The following CHD5 variants were observed in gnomAD, a reference collection of about 807,000 sequenced individuals.
CHD5 encodes the protein chromodomain helicase DNA binding protein 5, also known as ATP-dependent chromatin remodeler CHD5.
A neutral mutation model predicts 230.3 loss-of-function variants in CHD5; 69 were observed. That is an observed-to-expected ratio of 0.30 (90% CI 0.25 to 0.37). The LOEUF is 0.37. Among genes scored for constraint, CHD5 ranks in the 10% least tolerant of loss-of-function variants. The pLI, the probability that CHD5 is intolerant of heterozygous loss-of-function variation, is 1.00. For synonymous variants in CHD5, 1,064 were observed against 1,065.9 expected (o/e 1.00, Z 0.03); for missense variants, 1,827 against 2,622.8 (o/e 0.70, Z 6.63).
intron 1 of CHD5, among the ~76,000 whole-genome samples, chr1:6,169,289 C>A (rs1313734607): frequency 6.6e-6 from 1 of 152,264 alleles, no homozygotes; most frequent in Non-Finnish European, 1.5e-5. Flanking sequence ...TCCAGCTGGG[C>A]ACTAGAAAGC....
chr1:6,126,636 G>A lies in CHD5; in HGVS notation c.4014C>T (p.Asn1338=). Reference sequence around the variant, plus strand: ...TGCGGATGCGCTTGCCCTTGCCCAGGTTGCGGGCCAGGTCCTCCTGCTGCT... The same window carrying A: ...TGCGGATGCGCTTGCCCTTGCCCAGATTGCGGGCCAGGTCCTCCTGCTGCT... ...YEQQQEDLAR[N]LGKGKRIRKQ... Residue 1338 remains asparagine (N), a synonymous_variant, in exon 26 of 42, where the codon AAC becomes AAT. Transcript: ENST00000262450. This position sits in a 1 kb window ranked among gnomAD's most constrained non-coding sequence, Gnocchi z 5.7. 1 of 1,613,956 alleles carries A rather than the reference G, an allele frequency of 6.2e-7. No individual in the cohort carries two copies. The highest frequency in any genetic ancestry group is 8.5e-7 in the Non-Finnish European group (1 of 1,180,012).
Position 6,129,705 on chromosome 1 carries a change from A to G in CHD5, c.3387+499T>C, listed in dbSNP as rs1003142153. 2.6e-5 allele frequency among the ~76,000 whole-genome samples: 4 copies of G among 152,208 alleles called. No homozygotes were observed. The East Asian group carries it at 7.7e-4, about 29-fold the overall frequency. Reference sequence around the variant, plus strand: ...GCGCCCGAGAGGGGTGGCCAGGTACACTAGGGTGGCTCTATTCCCATACCC... The same window carrying G: ...GCGCCCGAGAGGGGTGGCCAGGTACGCTAGGGTGGCTCTATTCCCATACCC... On this transcript the variant is annotated intron_variant, in intron 22 of 41. Transcript: ENST00000262450. This position sits in a 1 kb window ranked among gnomAD's most constrained non-coding sequence, Gnocchi z 6.8.
At chr1:6,157,904 A>C (rs1031690622) in intron 3 of CHD5, among the ~76,000 whole-genome samples, 68 of 152,038 alleles carry the variant, frequency 4.5e-4, no homozygotes, top group African/African-American at 1.6e-3. Context: ...TCATGAAATC[A>C]CCCCAGGTGT....
chr1:6,149,740 A>G (rs1666971280), intron 7 of CHD5, among the ~76,000 whole-genome samples: 1 of 145,462 alleles, frequency 6.9e-6, no homozygotes, highest in South Asian at 2.2e-4. Flanking sequence ...TGAATGGACA[A>G]ATGGATGGAC....
In CHD5 at chr1:6,126,207, TCCCAGCTCCAACCAGCGCCG is replaced by T. The variant is rs1189449088; in HGVS notation, c.4078+345_4079-350del. On this transcript the variant is annotated intron_variant, in intron 26 of 41. Coordinates refer to ENST00000262450, the MANE Select transcript of CHD5 (RefSeq NM_015557.3). The surrounding 1 kb of genome is among the most constrained non-coding windows in gnomAD (Gnocchi z 5.7). ...GTCCCCTTTCCTCCAAAAAGCTGCC[TCCCAGCTCCAACCAGCGCCG>T]CCCAGCGTTCCTGGCCCCCACCTCC... 2.0e-5 allele frequency among the ~76,000 whole-genome samples: 3 copies of T among 152,026 alleles called. No homozygotes were observed. Among genetic ancestry groups the T allele is most frequent in the Non-Finnish European group, 4.4e-5 (3 of 67,978 alleles).
chr1:6,115,409 C>T (rs1463097319), intron 33 of CHD5, among the ~76,000 whole-genome samples: 1 of 152,206 alleles, frequency 6.6e-6, no homozygotes, highest in African/African-American at 2.4e-5. Context: ...CTCCCCAGAG[C>T]AGGTTCCGTT....
In CHD5 at chr1:6,147,409, G is replaced by A. The variant is rs140854058; in HGVS notation, c.1384-538C>T. Among the ~76,000 whole-genome samples, 303 of 152,340 alleles carry A rather than the reference G, an allele frequency of 2.0e-3. 3 individuals are homozygous for A. The highest frequency in any genetic ancestry group is 3.4e-3 in the Middle Eastern group (1 of 294). ...CCCAGGCACCGTGCGTCTAGGCTGG[G>A]ACAATGAGGCCCCATCTCTGGCAGC... On this transcript the variant is annotated intron_variant, in intron 9 of 41. Transcript: ENST00000262450.
chr1:6,141,527 A>C (rs1666827494), intron 15 of CHD5, among the ~76,000 whole-genome samples: 1 of 148,328 alleles, frequency 6.7e-6, no homozygotes, highest in Admixed American at 6.7e-5. Context: ...AGGTGGGAGA[A>C]CCACTTGAGC....
intron 2 of CHD5, among the ~76,000 whole-genome samples, chr1:6,160,903 C>T (rs780562368): frequency 5.3e-5 from 8 of 150,476 alleles, no homozygotes; most frequent in Non-Finnish European, 1.2e-4. Context: ...TTTAGAGACA[C>T]AAGTCAACTG....
At chr1:6,141,941 A>C (rs1666834151) in intron 15 of CHD5, among the ~76,000 whole-genome samples, 187 bp downstream of exon 15, 1 of 152,150 alleles carries the variant, frequency 6.6e-6, no homozygotes, top group Non-Finnish European at 1.5e-5. Context: ...CATTTGTGAC[A>C]CTTTGTTACA....
In CHD5 at chr1:6,155,680, C is replaced by T. The variant is rs1369097319; in HGVS notation, c.425G>A (p.Gly142Asp). Residue 142 changes from glycine (G) to aspartate (D), a missense_variant, in exon 4 of 42, where the codon GGC (glycine) becomes GAC (aspartate). This residue lies in a region of CHD5 where 657 missense variants were observed against 816.4 expected (regional missense o/e 0.80). Transcript: ENST00000262450. The surrounding 1 kb of genome is among the most constrained non-coding windows in gnomAD (Gnocchi z 4.0). ...GAACAGGTAGTCCACGTCGTCCAGG[C>T]CCCACTCGGCCATGAGCTGCCCCGA... ...KSSGQLMAEWGLDDVDYLFSE... is the reference protein window; with the variant it reads ...KSSGQLMAEWDLDDVDYLFSE... 2.5e-6 allele frequency: 4 copies of T among 1,614,074 alleles called. No homozygotes were observed. The highest frequency in any genetic ancestry group is 3.4e-6 in the Non-Finnish European group (4 of 1,179,988).
intron 17 of CHD5, 61 bp downstream of exon 17, chr1:6,136,456 C>T (rs1214142755): frequency 1.3e-6 from 2 of 1,588,184 alleles, no homozygotes; most frequent in African/African-American, 1.3e-5. Context: ...GCTATTGATC[C>T]GTCTTCACTG....
At chr1:6,139,255 G>T (rs1428187902) in intron 15 of CHD5, among the ~76,000 whole-genome samples, 1 of 151,738 alleles carries the variant, frequency 6.6e-6, no homozygotes, top group Non-Finnish European at 1.5e-5. Context: ...TGTTGTTTTG[G>T]TTTTTCTGAG....
Position 6,125,335 on chromosome 1 carries a change from G to C in CHD5, c.4261-102C>G. 8 of 1,281,106 alleles carry C rather than the reference G, an allele frequency of 6.2e-6. No individual in the cohort carries two copies. The highest frequency in any genetic ancestry group is 8.6e-6 in the Non-Finnish European group (8 of 933,146). The allele number at this position is 1,281,106 out of a possible 1,614,324, so 79.4% of individuals were successfully genotyped here. ...AAAGCATGGGAGGAGGAGAAGGTAG[G>C]AAGGGGGCACAGAGAAGGCAGGGGC... On this transcript the variant is annotated intron_variant, in intron 28 of 41. Transcript: ENST00000262450. The surrounding 1 kb of genome is among the most constrained non-coding windows in gnomAD (Gnocchi z 6.7).
At chr1:6,153,234 T>C (rs1667032826) in intron 5 of CHD5, among the ~76,000 whole-genome samples, 1 of 152,212 alleles carries the variant, frequency 6.6e-6, no homozygotes, top group African/African-American at 2.4e-5. Context: ...GAAAATCTAT[T>C]TCAATTTTCC....
chr1:6,139,339 C>T (rs1158690459), intron 15 of CHD5, among the ~76,000 whole-genome samples: 8 of 152,028 alleles, frequency 5.3e-5, no homozygotes, highest in African/African-American at 1.7e-4. Context: ...CAGGTTCAAG[C>T]GATTCTCCTG....
chr1:6,171,527 C>G (rs559776682), intron 1 of CHD5, among the ~76,000 whole-genome samples: 1 of 152,002 alleles, frequency 6.6e-6, no homozygotes, highest in East Asian at 1.9e-4. Context: ...ACACCTCACA[C>G]GCTCCCGTCT....
rs1441012279 is a variant in CHD5, at chr1:6,101,923, CAG to C, written c.*3549_*3550del. 3 of 385,686 alleles carry C rather than the reference CAG, an allele frequency of 7.8e-6. No homozygotes were observed. The highest frequency in any genetic ancestry group is 1.2e-4 in the East Asian group (1 of 8,102). The allele number at this position is 385,686 out of a possible 1,614,324, so 23.9% of individuals were successfully genotyped here. A position where few individuals can be genotyped will look rare whatever the true frequency, so the allele number is the denominator to read the frequency against. ...CGAAGACCAGACAAGCCACGGCTCA[CAG>C]GGGAGCCTGGCTTCCAAAGCTGGAC... On this transcript the variant is annotated 3_prime_UTR_variant, in exon 42 of 42. Transcript: ENST00000262450.
chr1:6,166,572 G>A lies in CHD5; in HGVS notation c.207+1578C>T, dbSNP rs187415245. Among the ~76,000 whole-genome samples, 318 of 152,172 alleles carry A rather than the reference G, an allele frequency of 2.1e-3. 3 individuals are homozygous for A. The highest frequency in any genetic ancestry group is 3.6e-3 in the Non-Finnish European group (247 of 67,984). On this transcript the variant is annotated intron_variant, in intron 2 of 41. Coordinates refer to ENST00000262450, the MANE Select transcript of CHD5 (RefSeq NM_015557.3). ...TTCCCCAGCAGTCCCTGAACTCCGT[G>A]GGGACCAAGGACACAGTCCAGGGCG...
Sources: allele counts gnomAD v4.1 joint callset (sites outside exome capture counted in the v4.1 genomes callset), GRCh38; gene constraint gnomAD v4.1.1; regional missense constraint gnomAD v4.1.1; non-coding constraint Gnocchi (gnomAD v3.1); transcripts MANE v1.5; gene names NCBI Gene and HGNC (gene_info 2026-07-23, HGNC 2026-07-21).